Variants in MACROD2 observed in about 807,000 individuals in gnomAD.
MACROD2 encodes the protein mono-ADP ribosylhydrolase 2.
In MACROD2, 36 loss-of-function variants were observed where a neutral mutation model predicts 70.4. The ratio of observed to expected loss-of-function variants is 0.51; its 90% CI spans 0.39 to 0.68. The LOEUF is 0.68. Ranked by LOEUF, MACROD2 falls within the 30% of genes least tolerant of loss-of-function variation. The probability of loss-of-function intolerance (pLI) is 0.00; values close to 1 mark genes in which losing one functional copy is unlikely to be tolerated. For synonymous variants in MACROD2, 172 were observed against 178.8 expected (o/e 0.96, Z 0.30); for missense variants, 496 against 538.4 (o/e 0.92, Z 0.78).
chr20:15,578,118 C>T (rs2048473628), intron 8 of MACROD2, among the ~76,000 whole-genome samples: 1 of 152,108 alleles, frequency 6.6e-6, no homozygotes, highest in Admixed American at 6.5e-5. Context: ...AGGAAAGTGG[C>T]CACTGTTCAT....
At chr20:15,710,790 A>G (rs893795296) in intron 8 of MACROD2, among the ~76,000 whole-genome samples, 1 of 152,162 alleles carries the variant, frequency 6.6e-6, no homozygotes, top group Non-Finnish European at 1.5e-5. Context: ...AATTGTCCCA[A>G]CGAGATCTTT....
intron 8 of MACROD2, among the ~76,000 whole-genome samples, chr20:15,513,301 C>T (rs2047524083): frequency 1.3e-5 from 2 of 152,168 alleles, no homozygotes; most frequent in Non-Finnish European, 2.9e-5. Flanking sequence ...TTTCTAAGTA[C>T]AGCTGGGTAA....
At chr20:14,630,541 A>G (rs1462459639) in intron 4 of MACROD2, among the ~76,000 whole-genome samples, 2 of 152,222 alleles carry the variant, frequency 1.3e-5, no homozygotes, top group Non-Finnish European at 2.9e-5. Context: ...TTTCCAAACA[A>G]CGTAAATTAT....
At chr20:15,257,371 C>T (rs184889217) in intron 6 of MACROD2, among the ~76,000 whole-genome samples, 7 of 152,082 alleles carry the variant, frequency 4.6e-5, no homozygotes, top group Admixed American at 3.3e-4. Flanking sequence ...AAATTGAATT[C>T]GGCAACCTAC....
intron 6 of MACROD2, among the ~76,000 whole-genome samples, chr20:15,276,397 C>CT (rs2077392770): frequency 2.1e-5 from 1 of 46,546 alleles, no homozygotes; most frequent in African/African-American, 8.7e-5. Context: ...GAGACTCCCT[C>CT]TCAAAAAAAT....
At chr20:15,793,977 A>C (rs1281769495) in intron 8 of MACROD2, among the ~76,000 whole-genome samples, 1 of 150,062 alleles carries the variant, frequency 6.7e-6, no homozygotes, top group African/African-American at 2.4e-5. Flanking sequence ...AAAAGAATGA[A>C]AGAACCGTCA....
chr20:15,655,582 G>C lies in MACROD2; in HGVS notation c.645+155735G>C, dbSNP rs142563198. ...ACAGCCTGCCTTGCACTTTTTAAAA[G>C]TTGTGTAACATTACGCCACCTACCA... is the stretch of plus-strand genomic sequence containing the variant. On this transcript the variant is annotated intron_variant, in intron 8 of 17. Transcript: ENST00000684519. 9.3e-3 allele frequency among the ~76,000 whole-genome samples: 1,418 copies of C among 152,192 alleles called. 9 individuals are homozygous for C. Among genetic ancestry groups the C allele is most frequent in the Middle Eastern group, 0.02 (6 of 294 alleles).
intron 5 of MACROD2, among the ~76,000 whole-genome samples, chr20:15,171,619 T>C (rs1279343702): frequency 6.6e-6 from 1 of 151,696 alleles, no homozygotes; most frequent in Non-Finnish European, 1.5e-5. Context: ...TCAGTCTCTC[T>C]TCTCTCTCTC....
At chr20:14,063,716 C>T (rs776746554) in intron 2 of MACROD2, among the ~76,000 whole-genome samples, 147 of 152,134 alleles carry the variant, frequency 9.7e-4, no homozygotes, top group Non-Finnish European at 1.6e-3. Context: ...TTTTGAAATC[C>T]GAAACATTTC....
intron 8 of MACROD2, among the ~76,000 whole-genome samples, chr20:15,860,467 A>C (rs746986301): frequency 3.0e-4 from 45 of 152,166 alleles, no homozygotes; most frequent in Non-Finnish European, 5.7e-4. Flanking sequence ...AGAAGTGAGA[A>C]TAATTACGAT....
intron 4 of MACROD2, among the ~76,000 whole-genome samples, chr20:14,627,714 T>C (rs1313759471): frequency 6.6e-6 from 1 of 152,170 alleles, no homozygotes; most frequent in East Asian, 1.9e-4. Flanking sequence ...AGCACCCCCT[T>C]TGTGTGTTTT....
chr20:15,762,530 C>G (rs1279885609), intron 8 of MACROD2, among the ~76,000 whole-genome samples: 4 of 152,182 alleles, frequency 2.6e-5, no homozygotes, highest in Admixed American at 6.5e-5. Flanking sequence ...GTCTGTTTCC[C>G]CAACCACTTT....
At chr20:14,821,639 G>C (rs181809586) in intron 5 of MACROD2, among the ~76,000 whole-genome samples, 1 of 152,048 alleles carries the variant, frequency 6.6e-6, no homozygotes, top group Non-Finnish European at 1.5e-5. Context: ...CCTAAGTCTA[G>C]TCCACATCTT....
intron 4 of MACROD2, among the ~76,000 whole-genome samples, chr20:14,648,621 C>CATATATATATATATATATATATATAT (rs753035871): frequency 8.7e-5 from 13 of 148,810 alleles, no homozygotes; most frequent in African/African-American, 3.2e-4. Flanking sequence ...TTTATTTAAA[C>CATATATATATATATATATATATATAT]ATATATATAT....
intron 8 of MACROD2, among the ~76,000 whole-genome samples, chr20:15,590,982 A>AG (rs11474743): frequency 6.6e-5 from 10 of 151,738 alleles, no homozygotes; most frequent in Admixed American, 1.3e-4. Flanking sequence ...AAAGAAAGAA[A>AG]AGAAGAGAGA....
At chr20:15,427,487 AAGAC>A (rs1321179282) in intron 6 of MACROD2, among the ~76,000 whole-genome samples, 1 of 151,970 alleles carries the variant, frequency 6.6e-6, no homozygotes, top group Non-Finnish European at 1.5e-5. Flanking sequence ...AACAGACTCT[AAGAC>A]AGAGTTTAGA....
intron 5 of MACROD2, among the ~76,000 whole-genome samples, chr20:14,921,668 T>C (rs2074165541): frequency 6.6e-6 from 1 of 152,184 alleles, no homozygotes; most frequent in South Asian, 2.1e-4. Flanking sequence ...ATATCCAGAA[T>C]ATTTTGCAGG....
chr20:14,667,824 C>G (rs1328498214), intron 4 of MACROD2, among the ~76,000 whole-genome samples: 10 of 152,094 alleles, frequency 6.6e-5, no homozygotes, highest in Admixed American at 4.6e-4. Flanking sequence ...CATTCTGCCC[C>G]TGTATTTTAA....
chr20:14,225,103 G>C (rs1294873308), intron 3 of MACROD2, among the ~76,000 whole-genome samples: 2 of 152,120 alleles, frequency 1.3e-5, no homozygotes, highest in Non-Finnish European at 2.9e-5. Context: ...CCTATTTATT[G>C]GGTCTTCTTG....
Sources: allele counts gnomAD v4.1 joint callset (sites outside exome capture counted in the v4.1 genomes callset), GRCh38; gene constraint gnomAD v4.1.1; transcripts MANE v1.5; gene names NCBI Gene and HGNC (gene_info 2026-07-23, HGNC 2026-07-21).